Variants in TRIP12 observed in about 807,000 individuals in gnomAD.
TRIP12 encodes E3 ubiquitin-protein ligase TRIP12.
In TRIP12, 25 loss-of-function variants were observed where a neutral mutation model predicts 244.2. The ratio of observed to expected loss-of-function variants is 0.10; its 90% CI spans 0.07 to 0.14. The LOEUF is 0.14. Ranked by LOEUF, TRIP12 falls within the 10% of genes least tolerant of loss-of-function variation. The pLI is 1.00. For synonymous variants in TRIP12, 905 were observed against 873.1 expected (o/e 1.04, Z -0.64); for missense variants, 1,677 against 2,486.4 (o/e 0.67, Z 6.92).
intron 1 of TRIP12, among the ~76,000 whole-genome samples, chr2:229,905,090 C>A (rs1401939115): frequency 6.6e-6 from 1 of 152,134 alleles, no homozygotes; most frequent in Non-Finnish European, 1.5e-5. Flanking sequence ...GCCTGACCAA[C>A]ATGGAGAAAC....
At chr2:229,770,279 C>A (rs1173337878) in intron 39 of TRIP12, among the ~76,000 whole-genome samples, 1 of 152,112 alleles carries the variant, frequency 6.6e-6, no homozygotes, top group African/African-American at 2.4e-5. Context: ...ATTTAATTTC[C>A]ATTACTCTGT....
At chr2:229,896,043 C>T (rs544378310) in intron 1 of TRIP12, among the ~76,000 whole-genome samples, 1 of 151,994 alleles carries the variant, frequency 6.6e-6, no homozygotes, top group East Asian at 1.9e-4. Context: ...GAAATTATCT[C>T]CAATGAATGA....
At position 229,859,130 on chromosome 2, in the gene TRIP12, T is replaced by C; in HGVS notation, c.669A>G (p.Lys223=). 1 of 1,614,156 alleles carries C rather than the reference T, an allele frequency of 6.2e-7. No homozygotes were observed. The highest frequency in any genetic ancestry group is 8.5e-7 in the Non-Finnish European group (1 of 1,180,022). The change falls in exon 4 of 42, where the codon AAA becomes AAG. Residue 223 remains lysine (K), a synonymous_variant. Transcript: ENST00000675903. The part of the protein sequence containing the change: ...RSAKPTKLAS[K]SATSAKAGCS... ...ACCCAGCTTTGGCTGAGGTGGCTGA[T>C]TTTGAAGCCAGCTTGGTAGGTTTCG...
chr2:229,883,433 T>TACA (rs950960245), intron 1 of TRIP12, among the ~76,000 whole-genome samples: 2 of 152,226 alleles, frequency 1.3e-5, no homozygotes, highest in African/African-American at 4.8e-5. Context: ...ATTACACTAT[T>TACA]ACACTGCTAA....
chr2:229,788,995 A>G, intron 31 of TRIP12, 55 bp from the exon 32 acceptor site: 8 of 1,492,406 alleles, frequency 5.4e-6, no homozygotes, highest in Non-Finnish European at 7.3e-6. Context: ...TTAGGATTAT[A>G]TTCACAATCT....
rs557309405 is a variant in TRIP12, at chr2:229,805,692, CAATAG to C, written c.2650+33_2650+37del. On this transcript the variant is annotated intron_variant, in intron 18 of 41. Coordinates refer to ENST00000675903, the MANE Select transcript of TRIP12 (RefSeq NM_001348323.3). The stretch of plus-strand genomic sequence containing the variant: ...TATTATGCAAACACAAAATATTGCA[CAATAG>C]TATAGTGCTATTTTAACTCAGAATG... 1,337 of 1,492,456 alleles carry C rather than the reference CAATAG, an allele frequency of 9.0e-4. 28 individuals are homozygous for C. In the South Asian group the frequency reaches 0.017, roughly 19 times the overall value. The allele number at this position is 1,492,456 out of a possible 1,614,324, so 92.5% of individuals were successfully genotyped here.
intron 26 of TRIP12, among the ~76,000 whole-genome samples, chr2:229,794,289 A>G (rs1346938608): frequency 6.6e-6 from 1 of 152,212 alleles, no homozygotes; most frequent in Admixed American, 6.5e-5. Flanking sequence ...AAACCAAACT[A>G]GGCTGAGTGT....
intron 34 of TRIP12, among the ~76,000 whole-genome samples, chr2:229,779,946 A>G (rs2037555605): frequency 6.6e-6 from 1 of 152,232 alleles, no homozygotes; most frequent in Non-Finnish European, 1.5e-5. Flanking sequence ...TGACAAGTTC[A>G]TATCACAGGT....
At position 229,826,754 on chromosome 2, in the gene TRIP12, A is replaced by G. The variant is rs71355938; in HGVS notation, c.1450+2439T>C. On this transcript the variant is annotated intron_variant, in intron 8 of 41. Transcript: ENST00000675903. ...ATAGGCAGTTGTAATGCGTATTTGT[A>G]TATGTTAATATATCTACAAATAGAA... Among the ~76,000 whole-genome samples the G allele has an allele frequency of 3.7e-3, 563 of 151,988 alleles. 1 individual carries two copies. The highest frequency in any genetic ancestry group is 6.8e-3 in the Middle Eastern group (2 of 294).
At position 229,778,304 on chromosome 2, in the gene TRIP12, G is replaced by A; in HGVS notation, c.5364+129C>T. ...CCGGCATTTTTAACAAAATCCCCAA[G>A]TAATTCATATGTGTATTGAAGTTTG... On this transcript the variant is annotated intron_variant, in intron 36 of 41. Coordinates refer to ENST00000675903, the MANE Select transcript of TRIP12 (RefSeq NM_001348323.3). The surrounding 1 kb of genome is among the most constrained non-coding windows in gnomAD (Gnocchi z 4.1). 1.7e-6 allele frequency: 2 copies of A among 1,196,646 alleles called. No homozygotes were observed. Among genetic ancestry groups the A allele is most frequent in the Non-Finnish European group, 2.3e-6 (2 of 854,492 alleles). 74.1% of individuals were successfully genotyped at this position (1,196,646 alleles called of 1,614,324 possible). A position where few individuals can be genotyped will look rare whatever the true frequency, so the allele number is the denominator to read the frequency against.
intron 18 of TRIP12, among the ~76,000 whole-genome samples, chr2:229,804,759 A>G (rs187949516): frequency 3.3e-5 from 5 of 152,338 alleles, no homozygotes; most frequent in Admixed American, 2.6e-4. Context: ...TTTTGTAAAT[A>G]TAATTTTATT....
chr2:229,782,945 T>C (rs940005572), intron 34 of TRIP12, among the ~76,000 whole-genome samples: 1 of 151,952 alleles, frequency 6.6e-6, no homozygotes, highest in African/African-American at 2.4e-5. Context: ...AAAAATTAGG[T>C]GAAAGAAGAG....
At chr2:229,848,275 G>C (rs2057981652) in intron 4 of TRIP12, among the ~76,000 whole-genome samples, 1 of 151,588 alleles carries the variant, frequency 6.6e-6, no homozygotes, top group Non-Finnish European at 1.5e-5. Context: ...AGAATATGAG[G>C]AAAGTTCCTA....
chr2:229,835,152 C>G (rs893172855), intron 6 of TRIP12, among the ~76,000 whole-genome samples: 2 of 152,156 alleles, frequency 1.3e-5, no homozygotes, highest in Admixed American at 1.3e-4. Context: ...CAGAGAAATT[C>G]CTATAATTCA....
chr2:229,847,938 C>T (rs1017393299), intron 4 of TRIP12, among the ~76,000 whole-genome samples: 7 of 152,140 alleles, frequency 4.6e-5, no homozygotes, highest in African/African-American at 1.7e-4. Flanking sequence ...AGAAGGGAAT[C>T]GAGTACAGAC....
intron 11 of TRIP12, among the ~76,000 whole-genome samples, chr2:229,814,714 A>G (rs564969004): frequency 2.0e-5 from 3 of 152,340 alleles, no homozygotes; most frequent in African/African-American, 7.2e-5. Context: ...GGTCCGTAAG[A>G]CAGACCAAAA....
chr2:229,789,978 A>G (rs1000997223), intron 30 of TRIP12, among the ~76,000 whole-genome samples: 1 of 152,212 alleles, frequency 6.6e-6, no homozygotes, highest in Admixed American at 6.5e-5. Context: ...CCTCCCATAC[A>G]CAAATAAACA....
chr2:229,809,189 GTGAAC>G (rs2046637621), intron 15 of TRIP12, among the ~76,000 whole-genome samples: 1 of 152,216 alleles, frequency 6.6e-6, no homozygotes, highest in African/African-American at 2.4e-5. Context: ...GATGTGGATA[GTGAAC>G]TGCCTGCCAC....
At position 229,767,375 on chromosome 2, in the gene TRIP12, C is replaced by CT; in HGVS notation, c.*178dup. 1.7e-6 allele frequency: 1 copy of CT among 604,100 alleles called. No individual in the cohort carries two copies. The highest frequency in any genetic ancestry group is 2.6e-6 in the Non-Finnish European group (1 of 390,414). The allele number at this position is 604,100 out of a possible 1,614,324, so 37.4% of individuals were successfully genotyped here. ...ACAACAACGTTTTAGGGCCTGATCACTTTAAGTCCATGGGGCCATTAATGA... is the reference window on the plus strand; with the variant it reads ...ACAACAACGTTTTAGGGCCTGATCACTTTTAAGTCCATGGGGCCATTAATGA... On this transcript the variant is annotated 3_prime_UTR_variant, in exon 42 of 42. Coordinates refer to ENST00000675903, the MANE Select transcript of TRIP12 (RefSeq NM_001348323.3).
Sources: allele counts gnomAD v4.1 joint callset (sites outside exome capture counted in the v4.1 genomes callset), GRCh38; gene constraint gnomAD v4.1.1; non-coding constraint Gnocchi (gnomAD v3.1); transcripts MANE v1.5; gene names NCBI Gene and HGNC (gene_info 2026-07-23, HGNC 2026-07-21).